Variants in GFRAL observed in about 807,000 individuals in gnomAD.
GFRAL encodes the protein GDNF family receptor alpha like, also known as GDNF family receptor alpha-like.
In GFRAL, 36 loss-of-function variants were observed where a neutral mutation model predicts 45.4. The ratio of observed to expected loss-of-function variants is 0.79; its 90% CI spans 0.61 to 1.05. The LOEUF (loss-of-function observed/expected upper bound fraction) is 1.05, where lower values mean the gene tolerates loss of function less well. Among genes scored for constraint, GFRAL ranks in the 50% least tolerant of loss-of-function variants. GFRAL has a pLI of 0.00. For synonymous variants in GFRAL, 166 were observed against 154.1 expected, an observed-to-expected ratio of 1.08 and a Z score of -0.57; for missense variants, 507 against 467.5, an observed-to-expected ratio of 1.08 and a Z score of -0.78.
intron 6 of GFRAL, among the ~76,000 whole-genome samples, chr6:55,379,190 G>T (rs1768573817): frequency 6.6e-6 from 1 of 151,874 alleles, no homozygotes; most frequent in African/African-American, 2.4e-5. Flanking sequence ...AGGTTTGGGG[G>T]TACATGTGAA....
At chr6:55,346,556 G>C (rs575419038) in intron 3 of GFRAL, among the ~76,000 whole-genome samples, 33 of 152,160 alleles carry the variant, frequency 2.2e-4, no homozygotes, top group Admixed American at 5.2e-4. Context: ...GTGGTAGGAG[G>C]GGGGAGGGAT....
At chr6:55,396,419 T>C (rs995206460) in intron 6 of GFRAL, among the ~76,000 whole-genome samples, 2 of 152,148 alleles carry the variant, frequency 1.3e-5, no homozygotes, top group Non-Finnish European at 2.9e-5. Context: ...TCTGCAAAGA[T>C]GAACTGTAAT....
At chr6:55,368,992 T>C (rs1176234406) in intron 6 of GFRAL, among the ~76,000 whole-genome samples, 1 of 152,036 alleles carries the variant, frequency 6.6e-6, no homozygotes, top group Non-Finnish European at 1.5e-5. Context: ...TCCCGGCTGC[T>C]TTGTTTACCT....
At chr6:55,335,258 T>C (rs1338127220) in intron 3 of GFRAL, among the ~76,000 whole-genome samples, 1 of 152,188 alleles carries the variant, frequency 6.6e-6, no homozygotes, top group East Asian at 1.9e-4. Flanking sequence ...GTGCCATCTA[T>C]CTGTCTATCT....
chr6:55,358,188 A>G (rs1768221043), intron 5 of GFRAL, among the ~76,000 whole-genome samples: 3 of 151,966 alleles, frequency 2.0e-5, no homozygotes. Context: ...TAGGGCTTTC[A>G]TACATGTTTG....
At chr6:55,388,951 TC>T in intron 6 of GFRAL, among the ~76,000 whole-genome samples, 1 of 152,298 alleles carries the variant, frequency 6.6e-6, no homozygotes, top group African/African-American at 2.4e-5. Context: ...GTATTTCATT[TC>T]CACTAGCCCA....
chr6:55,398,570 G>A (rs1014346598), intron 6 of GFRAL, among the ~76,000 whole-genome samples: 73 of 152,304 alleles, frequency 4.8e-4, no homozygotes, highest in African/African-American at 1.7e-3. Context: ...CACAGGGAAA[G>A]ATTTGTTTTT....
intron 8 of GFRAL, among the ~76,000 whole-genome samples, chr6:55,400,488 A>G (rs1470900302): frequency 2.0e-5 from 3 of 152,184 alleles, no homozygotes; most frequent in African/African-American, 7.2e-5. Context: ...AAAGACTGGC[A>G]TGAGAAGGTG....
chr6:55,347,660 C>A (rs533762208), intron 3 of GFRAL, among the ~76,000 whole-genome samples: 1 of 152,242 alleles, frequency 6.6e-6, no homozygotes, highest in South Asian at 2.1e-4. Context: ...GATATAAACA[C>A]ATTCTAATGA....
At chr6:55,369,271 A>G (rs1026648370) in intron 6 of GFRAL, among the ~76,000 whole-genome samples, 2 of 152,170 alleles carry the variant, frequency 1.3e-5, no homozygotes, top group Admixed American at 1.3e-4. Flanking sequence ...TGCGCTTCCC[A>G]AGTGAGGCAA....
intron 6 of GFRAL, among the ~76,000 whole-genome samples, chr6:55,373,904 A>T (rs1768489735): frequency 6.6e-6 from 1 of 151,894 alleles, no homozygotes; most frequent in Non-Finnish European, 1.5e-5. Context: ...CCCTCCTCCC[A>T]CCAGCCACCT....
chr6:55,401,723 A>T (rs1768898240), intron 8 of GFRAL, 67 bp from the exon 9 acceptor site: 1 of 945,118 alleles, frequency 1.1e-6, no homozygotes, highest in African/African-American at 1.6e-5. Flanking sequence ...AAATGCAAAC[A>T]CACACAAGCA....
intron 6 of GFRAL, among the ~76,000 whole-genome samples, chr6:55,372,934 AG>A (rs1425765903): frequency 6.6e-6 from 1 of 152,134 alleles, no homozygotes; most frequent in African/African-American, 2.4e-5. Context: ...GCGAACTCAA[AG>A]CCCTGAATGT....
chr6:55,390,146 C>T (rs184577230), intron 6 of GFRAL, among the ~76,000 whole-genome samples: 1 of 152,300 alleles, frequency 6.6e-6, no homozygotes, highest in Admixed American at 6.5e-5. Flanking sequence ...TCTTTAAACC[C>T]TTTTCACTTT....
intron 5 of GFRAL, among the ~76,000 whole-genome samples, chr6:55,357,341 C>T (rs887687973): frequency 1.3e-5 from 2 of 151,844 alleles, no homozygotes; most frequent in Middle Eastern, 3.2e-3. Flanking sequence ...TGTCTAGGTA[C>T]TGCAGTGTTG....
At chr6:55,367,757 T>C (rs549839680) in intron 6 of GFRAL, among the ~76,000 whole-genome samples, 7,339 of 151,446 alleles carry the variant, frequency 0.048, 265 homozygotes, top group African/African-American at 0.091. Context: ...TTTAAGAATG[T>C]TGAATATTGG....
intron 3 of GFRAL, among the ~76,000 whole-genome samples, chr6:55,348,254 G>A (rs1326769117): frequency 2.0e-5 from 3 of 151,876 alleles, no homozygotes; most frequent in African/African-American, 7.3e-5. Context: ...GTGTGTGTGT[G>A]TGTGTATGTG....
At chr6:55,358,236 G>T (rs375336369) in intron 5 of GFRAL, among the ~76,000 whole-genome samples, 1 of 151,446 alleles carries the variant, frequency 6.6e-6, no homozygotes. Flanking sequence ...AGCAATTTTC[G>T]GTGACAAACA....
chr6:55,374,379 G>A (rs934059800), intron 6 of GFRAL, among the ~76,000 whole-genome samples: 2 of 152,130 alleles, frequency 1.3e-5, no homozygotes, highest in Non-Finnish European at 2.9e-5. Flanking sequence ...CTAATGATCA[G>A]TGATGTTAAG....
Sources: allele counts gnomAD v4.1 joint callset (sites outside exome capture counted in the v4.1 genomes callset), GRCh38; gene constraint gnomAD v4.1.1; transcripts MANE v1.5; gene names NCBI Gene and HGNC (gene_info 2026-07-23, HGNC 2026-07-21).